The following ELMO1 variants were observed in gnomAD, a reference collection of about 807,000 sequenced individuals.
ELMO1 encodes the protein engulfment and cell motility protein 1.
Under a neutral mutation model 98.9 loss-of-function variants are expected in ELMO1, and 26 were observed. The ratio of observed to expected loss-of-function variants is 0.26; its 90% CI spans 0.19 to 0.36. ELMO1 has a LOEUF of 0.36. Ranked by LOEUF, ELMO1 falls within the 10% of genes least tolerant of loss-of-function variation. The pLI is 1.00. For missense variants in ELMO1, 627 were observed against 935.2 expected, an observed-to-expected ratio of 0.67 and a Z score of 4.30; for synonymous variants, 346 against 346.0, an observed-to-expected ratio of 1.00 and a Z score of 0.00.
At chr7:36,969,147 T>C (rs1361691004) in intron 16 of ELMO1, among the ~76,000 whole-genome samples, 1 of 152,034 alleles carries the variant, frequency 6.6e-6, no homozygotes, top group African/African-American at 2.4e-5. Flanking sequence ...TACCTAGTAG[T>C]TGACATGTTA....
intron 4 of ELMO1, among the ~76,000 whole-genome samples, chr7:37,310,170 C>T (rs1206933512): frequency 1.3e-5 from 2 of 152,130 alleles, no homozygotes; most frequent in Non-Finnish European, 2.9e-5. Flanking sequence ...TGAGGCTTAG[C>T]GTATTTCTGT....
intron 14 of ELMO1, among the ~76,000 whole-genome samples, chr7:37,121,074 A>G (rs1229536299): frequency 6.6e-6 from 1 of 152,230 alleles, no homozygotes; most frequent in Non-Finnish European, 1.5e-5. Context: ...CCTGACTGTT[A>G]GAAGGAAAAC....
intron 1 of ELMO1, among the ~76,000 whole-genome samples, chr7:37,423,372 G>C (rs1367018310): frequency 1.3e-5 from 2 of 152,198 alleles, no homozygotes; most frequent in Admixed American, 1.3e-4. Context: ...CTGAGGTCAG[G>C]AGTTTGAGAC....
intron 4 of ELMO1, among the ~76,000 whole-genome samples, chr7:37,289,174 A>G (rs1295041026): frequency 6.6e-6 from 1 of 152,204 alleles, no homozygotes; most frequent in East Asian, 1.9e-4. Flanking sequence ...GAATATTATA[A>G]TCATAACAGA....
At position 37,380,445 on chromosome 7, in the gene ELMO1, A is replaced by AT. The variant is rs533428367; in HGVS notation, c.-73-37683dup. Among the ~76,000 whole-genome samples the AT allele has an allele frequency of 6.7e-4, 102 of 152,286 alleles. 1 individual carries two copies. Among genetic ancestry groups the AT allele is most frequent in the African/African-American group, 2.4e-3 (100 of 41,558 alleles). On this transcript the variant is annotated intron_variant, in intron 1 of 21. Coordinates refer to ENST00000310758, the MANE Select transcript of ELMO1 (RefSeq NM_014800.11). ...ACTGAAAGGAGGTATTTTAATATCC[A>AT]TTTTACCTGGGATAGGATGACCATA...
chr7:37,296,011 C>G (rs1193217205), intron 4 of ELMO1, among the ~76,000 whole-genome samples: 5 of 152,158 alleles, frequency 3.3e-5, no homozygotes, highest in Admixed American at 2.6e-4. Flanking sequence ...TAACAAATTA[C>G]CAGAAATCTA....
At chr7:37,149,240 G>C (rs1218533449) in intron 13 of ELMO1, among the ~76,000 whole-genome samples, 1 of 152,160 alleles carries the variant, frequency 6.6e-6, no homozygotes, top group Non-Finnish European at 1.5e-5. Context: ...GCAGGGGAGG[G>C]ACAAAAACCT....
intron 14 of ELMO1, among the ~76,000 whole-genome samples, chr7:37,102,342 A>G (rs73123104): frequency 3.0e-4 from 45 of 152,340 alleles, no homozygotes; most frequent in Non-Finnish European, 5.3e-4. Context: ...ATGAATTTCA[A>G]TCAAGTCCAG....
intron 13 of ELMO1, among the ~76,000 whole-genome samples, chr7:37,196,553 C>T (rs1232261619): frequency 6.6e-6 from 1 of 152,112 alleles, no homozygotes; most frequent in African/African-American, 2.4e-5. Context: ...GTGAGACAAG[C>T]ATTTGGTGGC....
intron 18 of ELMO1, among the ~76,000 whole-genome samples, chr7:36,884,777 T>C (rs1804793064): frequency 6.6e-6 from 1 of 152,220 alleles, no homozygotes; most frequent in South Asian, 2.1e-4. Flanking sequence ...ACTTTCCAGT[T>C]CTGTGGAGCT....
chr7:37,087,565 A>C (rs897226449), intron 15 of ELMO1, among the ~76,000 whole-genome samples: 9 of 152,088 alleles, frequency 5.9e-5, no homozygotes, highest in African/African-American at 2.2e-4. Context: ...TTTCACATTG[A>C]GCTTATTCAT....
intron 2 of ELMO1, among the ~76,000 whole-genome samples, chr7:37,339,553 G>A (rs1048230104): frequency 3.9e-5 from 6 of 152,190 alleles, no homozygotes; most frequent in Non-Finnish European, 8.8e-5. Context: ...ACTGAACAAG[G>A]TAGAAGATTA....
At chr7:37,189,067 A>G (rs1791418789) in intron 13 of ELMO1, among the ~76,000 whole-genome samples, 2 of 152,228 alleles carry the variant, frequency 1.3e-5, no homozygotes. Flanking sequence ...GTGGCACTGT[A>G]TATAATAATT....
intron 6 of ELMO1, among the ~76,000 whole-genome samples, chr7:37,255,288 C>T (rs915538105): frequency 1.1e-4 from 16 of 152,112 alleles, no homozygotes; most frequent in African/African-American, 3.4e-4. Context: ...AAAGAAAAAA[C>T]AGGGATGTGC....
chr7:37,164,814 A>G lies in ELMO1; in HGVS notation c.1087-31580T>C, dbSNP rs1470973333. Among the ~76,000 whole-genome samples, 13 of 149,918 alleles carry G rather than the reference A, an allele frequency of 8.7e-5. No homozygotes were observed. In the East Asian group the frequency reaches 9.7e-4, roughly 11 times the overall value. On this transcript the variant is annotated intron_variant, in intron 13 of 21. Transcript: ENST00000310758. ...TCTTTTGGCTCAGGATTGACTTGGCAATGCGGGCTCTTTTTTGGTTCCATA... is the reference window on the plus strand; with the variant it reads ...TCTTTTGGCTCAGGATTGACTTGGCGATGCGGGCTCTTTTTTGGTTCCATA...
At chr7:37,375,497 G>T (rs998394090) in intron 1 of ELMO1, 3 of 774,790 alleles carry the variant, frequency 3.9e-6, no homozygotes, top group Non-Finnish European at 4.4e-6. Flanking sequence ...TTCAAGCCCC[G>T]GCCCCGGACC....
At chr7:37,405,218 GAA>G (rs34397484) in intron 1 of ELMO1, among the ~76,000 whole-genome samples, 1 of 151,702 alleles carries the variant, frequency 6.6e-6, no homozygotes, top group African/African-American at 2.4e-5. Flanking sequence ...CAACAATGGG[GAA>G]AAAAAACCCT....
chr7:37,111,317 G>A (rs1327792279), intron 14 of ELMO1, among the ~76,000 whole-genome samples: 1 of 152,188 alleles, frequency 6.6e-6, no homozygotes, highest in East Asian at 1.9e-4. Context: ...GCTAAGAAGA[G>A]CAAATGGGAT....
intron 16 of ELMO1, among the ~76,000 whole-genome samples, chr7:36,979,018 C>T (rs530859752): frequency 4.7e-4 from 71 of 152,222 alleles, no homozygotes; most frequent in Non-Finnish European, 7.5e-4. Context: ...ATTGAAGGGG[C>T]AACATGGCGA....
Sources: allele counts gnomAD v4.1 joint callset (sites outside exome capture counted in the v4.1 genomes callset), GRCh38; gene constraint gnomAD v4.1.1; transcripts MANE v1.5; gene names NCBI Gene and HGNC (gene_info 2026-07-23, HGNC 2026-07-21).